Variants in SNTG1 observed in about 807,000 individuals in gnomAD.
The protein encoded by SNTG1 is syntrophin gamma 1.
Under a neutral mutation model 74.7 loss-of-function variants are expected in SNTG1, and 39 were observed. The observed-to-expected ratio is 0.52, with a 90% CI of 0.40 to 0.68. The LOEUF (loss-of-function observed/expected upper bound fraction) is 0.68, where lower values mean the gene tolerates loss of function less well. Ranked by LOEUF, SNTG1 falls within the 30% of genes least tolerant of loss-of-function variation. The pLI, the probability that SNTG1 is intolerant of heterozygous loss-of-function variation, is 0.00. For missense variants in SNTG1, 685 were observed against 609.5 expected (o/e 1.12, Z -1.30); for synonymous variants, 254 against 217.1 (o/e 1.17, Z -1.49).
chr8:50,249,835 A>G (rs142049963), intron 2 of SNTG1, among the ~76,000 whole-genome samples: 341 of 152,330 alleles, frequency 2.2e-3, no homozygotes, highest in Non-Finnish European at 3.7e-3. Flanking sequence ...TTTTCCTATG[A>G]AAGTTATTCC....
intron 18 of SNTG1, among the ~76,000 whole-genome samples, chr8:50,781,079 T>C (rs985175093): frequency 1.3e-5 from 2 of 152,250 alleles, no homozygotes; most frequent in Non-Finnish European, 2.9e-5. Context: ...CAGTTTGTTA[T>C]CATTTCTGAT....
At chr8:50,367,802 T>C (rs1195420874) in intron 2 of SNTG1, among the ~76,000 whole-genome samples, 1 of 152,022 alleles carries the variant, frequency 6.6e-6, no homozygotes, top group African/African-American at 2.4e-5. Context: ...CACGCACACA[T>C]GCACCCTACT....
At chr8:50,453,407 G>A (rs1461016719) in intron 8 of SNTG1, among the ~76,000 whole-genome samples, 1 of 149,626 alleles carries the variant, frequency 6.7e-6, no homozygotes, top group Middle Eastern at 3.2e-3. Flanking sequence ...TATTCTTGCT[G>A]GAAGATTGTT....
chr8:50,151,575 G>T (rs187410621), intron 1 of SNTG1, among the ~76,000 whole-genome samples: 64 of 152,128 alleles, frequency 4.2e-4, no homozygotes, highest in African/African-American at 1.3e-3. Context: ...CTACATACTG[G>T]TTTAAATGTG....
intron 18 of SNTG1, among the ~76,000 whole-genome samples, chr8:50,789,530 A>G (rs2095685357): frequency 6.6e-6 from 1 of 151,940 alleles, no homozygotes; most frequent in Admixed American, 6.6e-5. Flanking sequence ...GCAGTTCTCC[A>G]CTTATCACCT....
At chr8:50,613,801 T>C (rs572118540) in intron 13 of SNTG1, among the ~76,000 whole-genome samples, 1 of 152,244 alleles carries the variant, frequency 6.6e-6, no homozygotes, top group African/African-American at 2.4e-5. Context: ...GACAACATAA[T>C]TGTCTTCATT....
At chr8:50,451,073 T>C in intron 8 of SNTG1, among the ~76,000 whole-genome samples, 1 of 152,146 alleles carries the variant, frequency 6.6e-6, no homozygotes, top group Middle Eastern at 3.2e-3. Flanking sequence ...AACCATACAT[T>C]TATGCCTGTA....
At chr8:50,408,909 G>A (rs1226760606) in intron 4 of SNTG1, among the ~76,000 whole-genome samples, 2 of 152,156 alleles carry the variant, frequency 1.3e-5, no homozygotes, top group African/African-American at 4.8e-5. Flanking sequence ...AAAAGGCTTT[G>A]CTTCACAAAA....
intron 2 of SNTG1, chr8:50,380,874 A>G (rs1338194803): frequency 6.6e-6 from 1 of 152,204 alleles, no homozygotes; most frequent in Non-Finnish European, 1.5e-5. Context: ...AGATCTCTAG[A>G]CAGAGGCCAC....
intron 1 of SNTG1, among the ~76,000 whole-genome samples, chr8:49,935,534 A>G (rs376447264): frequency 6.1e-4 from 92 of 151,736 alleles, no homozygotes; most frequent in Admixed American, 1.5e-3. Flanking sequence ...AAAAAAAAAA[A>G]AAAAAGAAAA....
chr8:49,925,971 G>A (rs955236671), intron 1 of SNTG1, among the ~76,000 whole-genome samples: 3 of 152,244 alleles, frequency 2.0e-5, no homozygotes, highest in African/African-American at 7.2e-5. Flanking sequence ...TTAATAGGAC[G>A]TAATAACAAT....
intron 1 of SNTG1, among the ~76,000 whole-genome samples, chr8:50,033,009 G>GT (rs201438390): frequency 0.011 from 1,594 of 146,580 alleles, 34 homozygotes; most frequent in African/African-American, 0.037. Flanking sequence ...TCCTCTTTCA[G>GT]TTTTTTTTTT....
intron 1 of SNTG1, among the ~76,000 whole-genome samples, chr8:50,021,218 GC>G (rs1816785626): frequency 6.6e-6 from 1 of 152,114 alleles, no homozygotes; most frequent in East Asian, 1.9e-4. Context: ...AAATGAAAGA[GC>G]TATAAGTTAT....
intron 2 of SNTG1, among the ~76,000 whole-genome samples, chr8:50,198,190 A>T (rs2083850361): frequency 6.6e-6 from 1 of 152,106 alleles, no homozygotes; most frequent in South Asian, 2.1e-4. Flanking sequence ...TTGACTTTAG[A>T]CTCAGAAAAA....
At chr8:50,487,657 A>T (rs1212220116) in intron 8 of SNTG1, among the ~76,000 whole-genome samples, 2 of 147,974 alleles carry the variant, frequency 1.4e-5, no homozygotes, top group African/African-American at 2.5e-5. Context: ...TGGACACAGG[A>T]AGGGGAATAT....
At chr8:50,398,665 G>A (rs186607912) in intron 3 of SNTG1, among the ~76,000 whole-genome samples, 13 of 152,254 alleles carry the variant, frequency 8.5e-5, no homozygotes, top group African/African-American at 3.1e-4. Flanking sequence ...GGTGGCTCAC[G>A]CCTGTAATCC....
intron 9 of SNTG1, among the ~76,000 whole-genome samples, chr8:50,515,465 C>T (rs1322019707): frequency 2.1e-5 from 3 of 143,724 alleles, no homozygotes; most frequent in Non-Finnish European, 4.5e-5. Context: ...CATTCACTCC[C>T]CTGGAAAGGG....
At chr8:50,098,128 A>G (rs1237771697) in intron 1 of SNTG1, among the ~76,000 whole-genome samples, 1 of 152,154 alleles carries the variant, frequency 6.6e-6, no homozygotes, top group Non-Finnish European at 1.5e-5. Context: ...CAGAGACATA[A>G]AAATATTTAT....
At chr8:50,620,691 G>A (rs1011805099) in intron 13 of SNTG1, among the ~76,000 whole-genome samples, 1 of 152,190 alleles carries the variant, frequency 6.6e-6, no homozygotes, top group African/African-American at 2.4e-5. Context: ...CATATTTACA[G>A]GAGAAGTAAC....
Sources: allele counts gnomAD v4.1 joint callset (sites outside exome capture counted in the v4.1 genomes callset), GRCh38; gene constraint gnomAD v4.1.1; transcripts MANE v1.5; gene names NCBI Gene and HGNC (gene_info 2026-07-23, HGNC 2026-07-21).